Variants in CCSER1 observed in about 807,000 individuals in gnomAD.
CCSER1 encodes serine-rich coiled-coil domain-containing protein 1.
A neutral mutation model predicts 82.0 loss-of-function variants in CCSER1; 41 were observed. The observed-to-expected ratio is 0.50, with a 90% CI of 0.39 to 0.65. CCSER1 has a LOEUF of 0.65. CCSER1 is among the 30% of genes least tolerant of loss of function. The probability of loss-of-function intolerance (pLI) is 0.00; values close to 1 mark genes in which losing one functional copy is unlikely to be tolerated. For synonymous variants in CCSER1, 414 were observed against 383.9 expected, an observed-to-expected ratio of 1.08 and a Z score of -0.92; for missense variants, 1,119 against 1,064.2, an observed-to-expected ratio of 1.05 and a Z score of -0.72.
chr4:90,498,832 TTTAGAGGTTACAGGTA>T (rs1769400291), intron 5 of CCSER1, among the ~76,000 whole-genome samples: 2 of 152,244 alleles, frequency 1.3e-5, no homozygotes, highest in South Asian at 4.1e-4. Context: ...CTTATATTGT[TTTAGAGGTTACAGGTA>T]TTATAGAGAA....
intron 10 of CCSER1, 67 bp downstream of exon 10, chr4:91,086,061 G>C: frequency 1.1e-6 from 1 of 925,504 alleles, no homozygotes; most frequent in African/African-American, 1.7e-5. Context: ...CAGTGATGTG[G>C]TGATGGTGAT....
intron 10 of CCSER1, among the ~76,000 whole-genome samples, chr4:91,275,275 C>T (rs540969804): frequency 6.6e-6 from 1 of 151,942 alleles, no homozygotes; most frequent in African/African-American, 2.4e-5. Context: ...GTTCCCTTTT[C>T]TTTGCATCCT....
chr4:91,193,927 TCAA>T (rs1277196851), intron 10 of CCSER1, among the ~76,000 whole-genome samples: 1 of 152,186 alleles, frequency 6.6e-6, no homozygotes, highest in Non-Finnish European at 1.5e-5. Flanking sequence ...TTTCGTTGAC[TCAA>T]CAAGAACCCA....
intron 10 of CCSER1, among the ~76,000 whole-genome samples, chr4:91,476,261 T>C (rs891076949): frequency 1.3e-5 from 2 of 151,830 alleles, no homozygotes; most frequent in African/African-American, 4.8e-5. Context: ...CCACCAACAG[T>C]ATATGAGTCT....
Position 90,309,163 on chromosome 4 carries a change from C to T in CCSER1, c.879C>T (p.Thr293=), listed in dbSNP as rs1171888544. The stretch of plus-strand genomic sequence containing the variant: ...ACAACTTTGGCCACAATGATTCTAC[C>T]TCTCAGATGTCCCTCAATTCTGCTG... ...HCDNFGHNDS[T]SQMSLNSAAV... The change falls in exon 2 of 11, where the codon ACC becomes ACT. Residue 293 remains threonine, a synonymous_variant. Coordinates refer to ENST00000509176, the MANE Select transcript of CCSER1 (RefSeq NM_001145065.2). The T allele has an allele frequency of 1.2e-6, 2 of 1,613,904 alleles. No homozygotes were observed. Among genetic ancestry groups the T allele is most frequent in the Non-Finnish European group, 1.7e-6 (2 of 1,179,830 alleles).
intron 10 of CCSER1, among the ~76,000 whole-genome samples, chr4:91,568,842 C>T (rs1763025456): frequency 6.6e-6 from 1 of 151,998 alleles, no homozygotes. Context: ...CTATTTCTAT[C>T]ATCTCAGCCA....
intron 8 of CCSER1, among the ~76,000 whole-genome samples, chr4:90,869,636 G>A (rs1447744929): frequency 2.6e-5 from 4 of 151,716 alleles, no homozygotes; most frequent in Non-Finnish European, 4.4e-5. Context: ...GTCAGGTAAT[G>A]TGATTCCTCC....
chr4:90,369,468 A>T (rs1023459269), intron 3 of CCSER1, among the ~76,000 whole-genome samples: 2 of 151,948 alleles, frequency 1.3e-5, no homozygotes, highest in Non-Finnish European at 2.9e-5. Flanking sequence ...ATATAGGGAG[A>T]TTGAGAGTAA....
chr4:90,857,022 A>G (rs1764539967), intron 8 of CCSER1, among the ~76,000 whole-genome samples: 1 of 151,210 alleles, frequency 6.6e-6, no homozygotes, highest in Non-Finnish European at 1.5e-5. Flanking sequence ...GCTATCTTTT[A>G]CTTCAATCGC....
rs183739555 is a variant in CCSER1 at position 90,871,285 on chromosome 4, A to T, written c.2095-52085A>T. ...TGTATTGTTAGCTTGTTCAAGTTTT[A>T]AAAAAAAATATTTAGGATCATATAG... On this transcript the variant is annotated intron_variant, in intron 8 of 10. Coordinates refer to ENST00000509176, the MANE Select transcript of CCSER1 (RefSeq NM_001145065.2). Among the ~76,000 whole-genome samples, 151 of 147,446 alleles carry T rather than the reference A, an allele frequency of 1.0e-3. 1 individual carries two copies. In the South Asian group the frequency reaches 0.013, roughly 13 times the overall value.
chr4:90,198,097 A>G (rs1274563834), intron 1 of CCSER1, among the ~76,000 whole-genome samples: 2 of 152,198 alleles, frequency 1.3e-5, no homozygotes, highest in Admixed American at 1.3e-4. Context: ...AAATTAAAAT[A>G]TAGAAATCTG....
chr4:90,908,104 A>G (rs931155515), intron 8 of CCSER1, among the ~76,000 whole-genome samples: 13 of 152,202 alleles, frequency 8.5e-5, no homozygotes, highest in African/African-American at 3.1e-4. Flanking sequence ...GAACTTAAAT[A>G]CTAGTGCAGA....
intron 7 of CCSER1, among the ~76,000 whole-genome samples, chr4:90,812,090 A>G (rs1177878079): frequency 6.6e-6 from 1 of 152,004 alleles, no homozygotes; most frequent in Middle Eastern, 3.2e-3. Flanking sequence ...AGCCAGTCCA[A>G]ATTCCAAAAC....
At chr4:91,199,913 A>T (rs1735768190) in intron 10 of CCSER1, among the ~76,000 whole-genome samples, 1 of 152,032 alleles carries the variant, frequency 6.6e-6, no homozygotes, top group South Asian at 2.1e-4. Flanking sequence ...CTAAAATCTT[A>T]AAAAGCTGCT....
intron 1 of CCSER1, among the ~76,000 whole-genome samples, chr4:90,244,877 A>G (rs912107708): frequency 6.6e-6 from 1 of 152,198 alleles, no homozygotes; most frequent in African/African-American, 2.4e-5. Flanking sequence ...GTTTAGAGGT[A>G]TCATAGACAG....
chr4:91,162,249 G>T (rs1179151701), intron 10 of CCSER1, among the ~76,000 whole-genome samples: 1 of 152,168 alleles, frequency 6.6e-6, no homozygotes, highest in Non-Finnish European at 1.5e-5. Flanking sequence ...ATTTGCATAT[G>T]TTGAAACAGC....
chr4:91,076,784 A>G lies in CCSER1; in HGVS notation c.2173-9166A>G, dbSNP rs146362402. On this transcript the variant is annotated intron_variant, in intron 9 of 10. Coordinates refer to ENST00000509176, the MANE Select transcript of CCSER1 (RefSeq NM_001145065.2). ...GAAGAGAAACAAATGAGATCAATCC[A>G]ACACTGGAATTTCTGACTGGAGGCA... is the stretch of plus-strand genomic sequence containing the variant. Among the ~76,000 whole-genome samples the G allele has an allele frequency of 9.4e-3, 1,432 of 152,308 alleles. 20 individuals carry two copies. Among genetic ancestry groups the G allele is most frequent in the African/African-American group, 0.031 (1,300 of 41,570 alleles).
At chr4:90,298,507 G>A (rs952947892) in intron 1 of CCSER1, among the ~76,000 whole-genome samples, 13 of 151,616 alleles carry the variant, frequency 8.6e-5, no homozygotes, top group Non-Finnish European at 1.6e-4. Flanking sequence ...GTTCTGCTCT[G>A]ATTTTAGTTA....
intron 6 of CCSER1, among the ~76,000 whole-genome samples, chr4:90,643,048 A>C (rs1396910254): frequency 6.6e-6 from 1 of 152,182 alleles, no homozygotes; most frequent in African/African-American, 2.4e-5. Flanking sequence ...TTTTGAGCAG[A>C]CTATGAAGAG....
Sources: gnomAD v4.1 joint callset for allele counts (sites outside exome capture counted in the v4.1 genomes callset) on GRCh38, gnomAD v4.1.1 for gene constraint, MANE v1.5 for transcripts, NCBI Gene and HGNC (gene_info 2026-07-23, HGNC 2026-07-21) for gene names.